Variants in PRDM2 observed in about 807,000 individuals in gnomAD.
The protein encoded by PRDM2 is PR/SET domain 2, also known as PR domain zinc finger protein 2.
Under a neutral mutation model 130.0 loss-of-function variants are expected in PRDM2, and 30 were observed. That is an observed-to-expected ratio of 0.23 (90% CI 0.17 to 0.31). The LOEUF (loss-of-function observed/expected upper bound fraction) is 0.31, where lower values mean the gene tolerates loss of function less well. PRDM2 is among the 10% of genes least tolerant of loss of function. The pLI is 1.00. For missense variants in PRDM2, 2,011 were observed against 2,108.4 expected, an observed-to-expected ratio of 0.95 and a Z score of 0.90; for synonymous variants, 871 against 782.4, an observed-to-expected ratio of 1.11 and a Z score of -1.89.
chr1:13,778,707 T>G lies in PRDM2; in HGVS notation c.912T>G (p.Ser304=). The change falls in exon 8 of 10, where the codon TCT becomes TCG. Residue 304 remains serine (S), a synonymous_variant. Coordinates refer to ENST00000311066, the MANE Select transcript of PRDM2 (RefSeq NM_001393986.1). ...EEEASMPNEN[S]VKEPEIRCDE... ...AAGCCAGCATGCCAAATGAAAATTC[T>G]GTGAAAGAGCCAGAAATACGGTGTG... The G allele has an allele frequency of 6.2e-7, 1 of 1,614,218 alleles. No homozygotes were observed.
At chr1:13,724,079 C>T (rs11581398) in intron 2 of PRDM2, among the ~76,000 whole-genome samples, 1 of 152,168 alleles carries the variant, frequency 6.6e-6, no homozygotes, top group Admixed American at 6.5e-5. Context: ...TTCTAGGAGG[C>T]TAAAGTGTTC....
chr1:13,786,893 T>G (rs922467740), intron 8 of PRDM2: 59 of 1,031,662 alleles, frequency 5.7e-5, no homozygotes, highest in Non-Finnish European at 6.9e-5. Context: ...CAAAGCAAGT[T>G]GCCTGTTTTA....
At chr1:13,706,799 C>A (rs2100384900) in intron 1 of PRDM2, among the ~76,000 whole-genome samples, 1 of 151,448 alleles carries the variant, frequency 6.6e-6, no homozygotes. Flanking sequence ...CCAAAAAAAG[C>A]TTGCATGTAT....
At chr1:13,794,278 C>T (rs769217555) in intron 8 of PRDM2, among the ~76,000 whole-genome samples, 3 of 152,188 alleles carry the variant, frequency 2.0e-5, no homozygotes, top group Non-Finnish European at 4.4e-5. Context: ...TGCCTGGTCC[C>T]TCATCCCTCT....
chr1:13,765,988 G>A (rs1184098248), intron 6 of PRDM2, among the ~76,000 whole-genome samples: 1 of 152,136 alleles, frequency 6.6e-6, no homozygotes, highest in African/African-American at 2.4e-5. Flanking sequence ...GCCACAGCTG[G>A]CCTGCTGTCA....
intron 1 of PRDM2, among the ~76,000 whole-genome samples, chr1:13,706,486 A>G (rs750249897): frequency 6.6e-6 from 1 of 152,064 alleles, no homozygotes; most frequent in Non-Finnish European, 1.5e-5. Flanking sequence ...ATCTTTCTCC[A>G]CAGACCTTTT....
chr1:13,750,014 G>T (rs914418413), intron 6 of PRDM2, among the ~76,000 whole-genome samples: 3 of 152,206 alleles, frequency 2.0e-5, no homozygotes, highest in African/African-American at 7.2e-5. Context: ...GACAGGAGGC[G>T]GCGGGGAGGG....
At chr1:13,744,230 C>A (rs897074769) in intron 5 of PRDM2, among the ~76,000 whole-genome samples, 1 of 152,170 alleles carries the variant, frequency 6.6e-6, no homozygotes, top group Non-Finnish European at 1.5e-5. Context: ...AACTCTGAAG[C>A]CAGACTGCCT....
chr1:13,763,375 G>A (rs1458877410), intron 6 of PRDM2, among the ~76,000 whole-genome samples: 1 of 152,190 alleles, frequency 6.6e-6, no homozygotes, highest in East Asian at 1.9e-4. Flanking sequence ...AAGGTTAACA[G>A]GGTAATTTGA....
In PRDM2 at chr1:13,810,497, C is replaced by CTT. The variant is rs57728640; in HGVS notation, c.5037-5921_5037-5920dup. 9.6e-3 allele frequency among the ~76,000 whole-genome samples: 1,407 copies of CTT among 146,664 alleles called. 26 individuals carry two copies. The highest frequency in any genetic ancestry group is 0.033 in the African/African-American group (1,307 of 39,876). ...GAAAGCTTGAGTTCTTTTTTCTTTT[C>CTT]TTTTTTTTTTGTTTTGAGATGGAGT... On this transcript the variant is annotated intron_variant, in intron 8 of 9. Coordinates refer to ENST00000311066, the MANE Select transcript of PRDM2 (RefSeq NM_001393986.1).
At chr1:13,791,858 T>G (rs957765902) in intron 8 of PRDM2, among the ~76,000 whole-genome samples, 1 of 152,238 alleles carries the variant, frequency 6.6e-6, no homozygotes, top group Admixed American at 6.5e-5. Context: ...GCCTTCCTTA[T>G]GTCAGCTGGA....
At chr1:13,725,777 A>G (rs1056380554) in intron 2 of PRDM2, among the ~76,000 whole-genome samples, 1 of 152,222 alleles carries the variant, frequency 6.6e-6, no homozygotes, top group Admixed American at 6.5e-5. Flanking sequence ...TAGTGTTGTT[A>G]TAGCAATAGC....
At chr1:13,810,040 C>T (rs1306918040) in intron 8 of PRDM2, among the ~76,000 whole-genome samples, 1 of 152,158 alleles carries the variant, frequency 6.6e-6, no homozygotes, top group African/African-American at 2.4e-5. Context: ...AATGTCCCAT[C>T]CTCATGACCT....
chr1:13,799,819 C>T (rs1035064056), intron 8 of PRDM2, among the ~76,000 whole-genome samples: 1 of 152,152 alleles, frequency 6.6e-6, no homozygotes, highest in Non-Finnish European at 1.5e-5. Context: ...TTATGAAAAA[C>T]AAGTTGAATA....
At chr1:13,790,789 G>A (rs988992265) in intron 8 of PRDM2, among the ~76,000 whole-genome samples, 24 of 152,120 alleles carry the variant, frequency 1.6e-4, no homozygotes, top group African/African-American at 5.3e-4. Context: ...CCCTAGGCCC[G>A]ATCCTTGCTG....
At chr1:13,769,252 A>G (rs1644302800) in intron 6 of PRDM2, 2 of 781,392 alleles carry the variant, frequency 2.6e-6, no homozygotes, top group Admixed American at 6.2e-5. Flanking sequence ...CACAAATGCC[A>G]TCTCCCCTCT....
intron 1 of PRDM2, among the ~76,000 whole-genome samples, chr1:13,711,354 C>G (rs1183780715): frequency 4.8e-5 from 7 of 146,816 alleles, no homozygotes; most frequent in African/African-American, 1.8e-4. Context: ...GGAAGTTATT[C>G]CAAACATTTT....
intron 8 of PRDM2, chr1:13,786,411 T>C: frequency 6.7e-7 from 1 of 1,482,152 alleles, no homozygotes; most frequent in Admixed American, 1.8e-5. Flanking sequence ...TGTTGTCGTC[T>C]TAATAACATT....
intron 5 of PRDM2, among the ~76,000 whole-genome samples, chr1:13,745,850 G>A (rs969650541): frequency 2.0e-5 from 3 of 152,130 alleles, no homozygotes; most frequent in African/African-American, 7.2e-5. Context: ...CTTAAGTGCT[G>A]TTCACCCACT....
Sources: gnomAD v4.1 joint callset for allele counts (sites outside exome capture counted in the v4.1 genomes callset) on GRCh38, gnomAD v4.1.1 for gene constraint, MANE v1.5 for transcripts, NCBI Gene and HGNC (gene_info 2026-07-23, HGNC 2026-07-21) for gene names.